The following RTTN variants were observed in gnomAD, a reference collection of about 807,000 sequenced individuals.
RTTN encodes rotatin.
RTTN carries 182 observed loss-of-function variants against 269.2 expected under a neutral mutation model. The ratio of observed to expected loss-of-function variants is 0.68; its 90% CI spans 0.60 to 0.76. The LOEUF (loss-of-function observed/expected upper bound fraction) is 0.76, where lower values mean the gene tolerates loss of function less well. Ranked by LOEUF, RTTN falls within the 30% of genes least tolerant of loss-of-function variation. The pLI, the probability that RTTN is intolerant of heterozygous loss-of-function variation, is 0.00. For synonymous variants in RTTN, 1,006 were observed against 963.5 expected, an observed-to-expected ratio of 1.04 and a Z score of -0.82; for missense variants, 2,545 against 2,608.6, an observed-to-expected ratio of 0.98 and a Z score of 0.53.
chr18:70,121,821 T>C, intron 25 of RTTN, 121 bp from the exon 26 acceptor site: 2 of 926,810 alleles, frequency 2.2e-6, no homozygotes, highest in East Asian at 3.3e-5. Context: ...GAGACACTGT[T>C]TTAAATGCTT....
chr18:70,156,588 T>C (rs2060682876), intron 14 of RTTN, among the ~76,000 whole-genome samples: 1 of 152,098 alleles, frequency 6.6e-6, no homozygotes, highest in Non-Finnish European at 1.5e-5. Flanking sequence ...GTACACTCCC[T>C]CCCCTTTTGA....
In RTTN at chr18:70,176,752, C is replaced by T; in HGVS notation, c.1399G>A (p.Val467Met). 6.2e-7 allele frequency: 1 copy of T among 1,614,040 alleles called. No homozygotes were observed. The highest frequency in any genetic ancestry group is 8.5e-7 in the Non-Finnish European group (1 of 1,179,896). The change falls in exon 11 of 49, where the codon GTG becomes ATG. Residue 467 changes from valine to methionine, a missense_variant. Val to Met is a conservative substitution (Grantham distance 21, BLOSUM62 1). Transcript: ENST00000640769. ...ISLEQPEVML[V>M]HHRMAFISIS... is the part of the protein sequence containing the mutation. Reference sequence around the variant, plus strand: ...CTGATAAAGGCCATTCTGTGGTGCACAAGCATCACCTCTGGCTGCTCCAAA... The same window carrying T: ...CTGATAAAGGCCATTCTGTGGTGCATAAGCATCACCTCTGGCTGCTCCAAA...
chr18:70,060,467 A>AT (rs1325618982), intron 35 of RTTN, among the ~76,000 whole-genome samples: 2 of 152,124 alleles, frequency 1.3e-5, no homozygotes, highest in Admixed American at 1.3e-4. Context: ...TTATTTTTAA[A>AT]TTTTTAATTA....
intron 27 of RTTN, among the ~76,000 whole-genome samples, 197 bp from the exon 28 acceptor site, chr18:70,109,914 A>G (rs182584778): frequency 1.1e-4 from 16 of 152,274 alleles, no homozygotes; most frequent in African/African-American, 3.1e-4. Flanking sequence ...ATGTCATATA[A>G]AATACAAGTA....
chr18:70,181,855 T>C (rs1475611298), intron 10 of RTTN, among the ~76,000 whole-genome samples: 1 of 152,326 alleles, frequency 6.6e-6, no homozygotes, highest in South Asian at 2.1e-4. Flanking sequence ...TACTTCTGTT[T>C]TATTTAGCAT....
intron 32 of RTTN, among the ~76,000 whole-genome samples, chr18:70,077,340 G>A (rs1400917886): frequency 6.6e-6 from 1 of 151,766 alleles, no homozygotes; most frequent in Non-Finnish European, 1.5e-5. Context: ...AAATAGAGAA[G>A]AGAATGTAAA....
chr18:70,075,246 C>T (rs1236591477), intron 33 of RTTN, 106 bp downstream of exon 33: 5 of 734,026 alleles, frequency 6.8e-6, no homozygotes, highest in Non-Finnish European at 2.1e-6. Context: ...GAATGTTTTC[C>T]CTGTATACTT....
chr18:70,104,593 C>A (rs283768), intron 28 of RTTN, among the ~76,000 whole-genome samples: 6,340 of 152,280 alleles, frequency 0.042, 457 homozygotes, highest in African/African-American at 0.15. Context: ...GAATTTTCAG[C>A]TTTTCTGCTC....
chr18:70,176,279 G>C (rs1299819107), intron 11 of RTTN, among the ~76,000 whole-genome samples: 1 of 151,358 alleles, frequency 6.6e-6, no homozygotes, highest in Non-Finnish European at 1.5e-5. Context: ...GCCAAGTCTT[G>C]TCTTTTACAA....
intron 4 of RTTN, 32 bp downstream of exon 4, chr18:70,201,862 T>C: frequency 1.5e-6 from 2 of 1,351,824 alleles, no homozygotes; most frequent in Non-Finnish European, 2.1e-6. Flanking sequence ...ACTTCCCAAG[T>C]CAACAGGATT....
intron 10 of RTTN, among the ~76,000 whole-genome samples, chr18:70,187,222 G>T (rs1287251274): frequency 6.6e-6 from 1 of 152,108 alleles, no homozygotes; most frequent in African/African-American, 2.4e-5. Context: ...TAGATAGATA[G>T]GGAATAATCC....
intron 26 of RTTN, among the ~76,000 whole-genome samples, chr18:70,117,714 A>AAAAT (rs1041672546): frequency 2.0e-5 from 3 of 152,038 alleles, no homozygotes; most frequent in Admixed American, 6.5e-5. Context: ...GACATACTAC[A>AAAAT]AAATTAACAG....
chr18:70,058,118 C>T (rs1472835853), intron 36 of RTTN, among the ~76,000 whole-genome samples: 1 of 152,130 alleles, frequency 6.6e-6, no homozygotes, highest in Non-Finnish European at 1.5e-5. Flanking sequence ...TATAATACAG[C>T]CCATGAGTAA....
chr18:70,095,945 T>C (rs1321914001), intron 28 of RTTN, among the ~76,000 whole-genome samples: 2 of 152,136 alleles, frequency 1.3e-5, no homozygotes, highest in Non-Finnish European at 2.9e-5. Context: ...AAACGTAGGT[T>C]CACTCTTTTC....
chr18:70,113,713 T>C (rs2059532578), intron 27 of RTTN, among the ~76,000 whole-genome samples: 1 of 152,140 alleles, frequency 6.6e-6, no homozygotes, highest in Non-Finnish European at 1.5e-5. Context: ...TATTCAGTCA[T>C]AGAAAGAAGT....
At chr18:70,059,136 G>C (rs1157803591) in intron 36 of RTTN, among the ~76,000 whole-genome samples, 1 of 152,078 alleles carries the variant, frequency 6.6e-6, no homozygotes, top group Non-Finnish European at 1.5e-5. Flanking sequence ...GGGTATCCTA[G>C]ATACCATCAC....
chr18:70,018,463 C>T (rs1269747777), intron 45 of RTTN, among the ~76,000 whole-genome samples: 4 of 152,280 alleles, frequency 2.6e-5, no homozygotes, highest in East Asian at 3.9e-4. Context: ...AATCACTTAA[C>T]TTTTATGATT....
chr18:70,152,061 C>T (rs1216384989), intron 14 of RTTN, among the ~76,000 whole-genome samples: 1 of 152,200 alleles, frequency 6.6e-6, no homozygotes, highest in Non-Finnish European at 1.5e-5. Flanking sequence ...GTGTTCATCT[C>T]TGTTCTCATG....
At chr18:70,177,218 T>C (rs948762069) in intron 10 of RTTN, among the ~76,000 whole-genome samples, 2 of 152,208 alleles carry the variant, frequency 1.3e-5, no homozygotes, top group African/African-American at 4.8e-5. Flanking sequence ...GTATTTCTTA[T>C]GCTTACTATA....
Sources: gnomAD v4.1 joint callset for allele counts (sites outside exome capture counted in the v4.1 genomes callset) on GRCh38, gnomAD v4.1.1 for gene constraint, MANE v1.5 for transcripts, NCBI Gene and HGNC (gene_info 2026-07-23, HGNC 2026-07-21) for gene names.